SPON1: variants seen among roughly 807,000 people sequenced by gnomAD.
SPON1 encodes the protein spondin-1.
Under a neutral mutation model 111.7 loss-of-function variants are expected in SPON1, and 52 were observed. The ratio of observed to expected loss-of-function variants is 0.47; its 90% CI spans 0.37 to 0.59. The LOEUF is 0.59. SPON1 is among the 20% of genes least tolerant of loss of function. The pLI is 0.00. For missense variants in SPON1, 957 were observed against 1,068.5 expected, an observed-to-expected ratio of 0.90 and a Z score of 1.46; for synonymous variants, 410 against 395.8, an observed-to-expected ratio of 1.04 and a Z score of -0.43.
intron 5 of SPON1, among the ~76,000 whole-genome samples, chr11:14,117,791 C>G (rs1308514453): frequency 6.6e-6 from 1 of 152,188 alleles, no homozygotes; most frequent in African/African-American, 2.4e-5. Context: ...AGAACAAAAG[C>G]TTTCTCAACG....
chr11:14,231,798 C>A (rs1383657425), intron 6 of SPON1, among the ~76,000 whole-genome samples: 3 of 151,584 alleles, frequency 2.0e-5, no homozygotes, highest in Admixed American at 6.6e-5. Flanking sequence ...GACTATACAG[C>A]AATGTCTAAA....
intron 6 of SPON1, among the ~76,000 whole-genome samples, chr11:14,190,035 C>A (rs1428210041): frequency 6.6e-6 from 1 of 152,206 alleles, no homozygotes; most frequent in Non-Finnish European, 1.5e-5. Context: ...ATGCATTGTG[C>A]AATTTCTTAG....
In SPON1 at chr11:14,259,339, G is replaced by T; in HGVS notation, c.1552G>T (p.Gly518Cys). Residue 518 changes from glycine to cysteine, a missense_variant, in exon 12 of 16, where the codon GGC becomes TGC. Gly to Cys is a radical substitution (Grantham distance 159). Around this residue, in one of 5 missense-constraint regions of SPON1, gnomAD observed 549 missense variants for 606.2 expected, o/e 0.91. Coordinates refer to ENST00000576479, the MANE Select transcript of SPON1 (RefSeq NM_006108.4). This position sits in a 1 kb window ranked among gnomAD's most constrained non-coding sequence, Gnocchi z 5.0. ...ITWSPCSISC[G>C]MGMRSRERYV... ...CTGGTCGCCCTGCAGCATCTCCTGC[G>T]GCATGGGCATGAGGTCCCGGGAGAG... The T allele has an allele frequency of 1.2e-6, 2 of 1,613,066 alleles. No homozygotes were observed. The highest frequency in any genetic ancestry group is 1.7e-6 in the Non-Finnish European group (2 of 1,179,648).
chr11:14,248,341 A>C (rs782363943), intron 7 of SPON1, among the ~76,000 whole-genome samples: 4 of 152,178 alleles, frequency 2.6e-5, no homozygotes, highest in Non-Finnish European at 5.9e-5. Flanking sequence ...CCTGGCTCCA[A>C]GGGGATGAAA....
chr11:14,208,897 T>C (rs1848543888), intron 6 of SPON1, among the ~76,000 whole-genome samples: 1 of 152,200 alleles, frequency 6.6e-6, no homozygotes, highest in African/African-American at 2.4e-5. Flanking sequence ...TATAGTACTG[T>C]AGTACTAGTC....
intron 5 of SPON1, among the ~76,000 whole-genome samples, chr11:14,107,760 A>G (rs1849196683): frequency 6.6e-6 from 1 of 152,188 alleles, no homozygotes; most frequent in Non-Finnish European, 1.5e-5. Flanking sequence ...GCCTTTCTAA[A>G]GTGAGAGAAA....
intron 6 of SPON1, among the ~76,000 whole-genome samples, chr11:14,145,869 G>A (rs1847711503): frequency 6.6e-6 from 1 of 152,150 alleles, no homozygotes; most frequent in Admixed American, 6.5e-5. Context: ...AGATTTGTGT[G>A]TACTGATACA....
Position 14,126,252 on chromosome 11 carries a change from C to T in SPON1, c.677-9168C>T, listed in dbSNP as rs148108432. 3.2e-4 allele frequency among the ~76,000 whole-genome samples: 48 copies of T among 152,246 alleles called. 1 individual carries two copies. Among genetic ancestry groups the T allele is most frequent in the African/African-American group, 1.1e-3 (45 of 41,540 alleles). On this transcript the variant is annotated intron_variant, in intron 5 of 15. Transcript: ENST00000576479. ...AGTCAGGTTGACATATAAAATTAAC[C>T]ATCACTCTGCCATGTGCAGAACACC...
Position 14,020,785 on chromosome 11 carries a change from G to A in SPON1, c.346-20736G>A, listed in dbSNP as rs533506482. ...GAAGTTCTGGAGTCCCACAGCCAGG[G>A]TTTAAATTCTGGTTCTGCCATTTAC... On this transcript the variant is annotated intron_variant, in intron 2 of 15. Transcript: ENST00000576479. Among the ~76,000 whole-genome samples, 68 of 152,198 alleles carry A rather than the reference G, an allele frequency of 4.5e-4. 1 individual carries two copies. Among genetic ancestry groups the A allele is most frequent in the Admixed American group, 2.0e-3 (31 of 15,274 alleles).
In SPON1 at chr11:14,160,498, CATATATATATTT is replaced by C. The variant is rs1564918979; in HGVS notation, c.825+24944_825+24955del. On this transcript the variant is annotated intron_variant, in intron 6 of 15. Coordinates refer to ENST00000576479, the MANE Select transcript of SPON1 (RefSeq NM_006108.4). ...ATATATATTTATATATATATATTTA[CATATATATATTT>C]ATATATATATTTACATATATATATT... 1.5e-3 allele frequency among the ~76,000 whole-genome samples: 9 copies of C among 5,850 alleles called. 2 individuals are homozygous for C. The highest frequency in any genetic ancestry group is 0.013 in the South Asian group (2 of 150). The allele number at this position is 5,850 out of a possible 152,430, so 3.8% of individuals were successfully genotyped here.
chr11:14,072,897 TC>T (rs1848888264), intron 3 of SPON1, among the ~76,000 whole-genome samples: 1 of 152,144 alleles, frequency 6.6e-6, no homozygotes, highest in African/African-American at 2.4e-5. Context: ...AAATGCCATC[TC>T]CCTGCAGGCT....
intron 3 of SPON1, among the ~76,000 whole-genome samples, chr11:14,045,105 T>G (rs1848658512): frequency 6.6e-6 from 1 of 152,154 alleles, no homozygotes; most frequent in Non-Finnish European, 1.5e-5. Context: ...GCTGCCAGAT[T>G]TTTCTCCAGA....
chr11:14,207,717 T>G (rs534959123), intron 6 of SPON1, among the ~76,000 whole-genome samples: 2 of 152,222 alleles, frequency 1.3e-5, no homozygotes, highest in African/African-American at 4.8e-5. Context: ...ACATAACACA[T>G]GCTGGCAAGG....
rs1035467040 is a variant in SPON1 at position 14,174,404 on chromosome 11, C to T, written c.825+38836C>T. ...CCATCCCTTAAAGTGTATTTCCTAC[C>T]TAGTTATAATGTGAAGTAATTTGAT... On this transcript the variant is annotated intron_variant, in intron 6 of 15. Coordinates refer to ENST00000576479, the MANE Select transcript of SPON1 (RefSeq NM_006108.4). 3.3e-5 allele frequency among the ~76,000 whole-genome samples: 5 copies of T among 152,288 alleles called. No homozygotes were observed. The East Asian group carries it at 9.7e-4, about 29-fold the overall frequency.
intron 6 of SPON1, among the ~76,000 whole-genome samples, chr11:14,241,977 C>T (rs925370982): frequency 1.1e-4 from 17 of 151,962 alleles, no homozygotes; most frequent in African/African-American, 3.1e-4. Context: ...GGTGGCTCAC[C>T]GCCGCTGCCC....
intron 6 of SPON1, among the ~76,000 whole-genome samples, chr11:14,189,509 G>A (rs782230421): frequency 6.6e-6 from 1 of 152,164 alleles, no homozygotes; most frequent in Non-Finnish European, 1.5e-5. Flanking sequence ...TGCAGACACA[G>A]AGGTTCTCTC....
rs193278455 is a variant in SPON1 at position 14,267,672 on chromosome 11, T to A, written c.*1985T>A. 1 of 152,366 alleles carries A rather than the reference T, an allele frequency of 6.6e-6. No individual in the cohort carries two copies. Among genetic ancestry groups the A allele is most frequent in the Non-Finnish European group, 1.5e-5 (1 of 68,028 alleles). The allele number at this position is 152,366 out of a possible 1,614,324, so 9.4% of individuals were successfully genotyped here. On this transcript the variant is annotated 3_prime_UTR_variant, in exon 16 of 16. Transcript: ENST00000576479. Reference sequence around the variant, plus strand: ...CTAAGAATGGGTAACATGACTCTTGTTGGATTGTTATTTTTTGTTTGCAAT... The same window carrying A: ...CTAAGAATGGGTAACATGACTCTTGATGGATTGTTATTTTTTGTTTGCAAT...
intron 3 of SPON1, among the ~76,000 whole-genome samples, chr11:14,050,371 T>A (rs1198662800): frequency 6.6e-6 from 1 of 152,206 alleles, no homozygotes; most frequent in African/African-American, 2.4e-5. Flanking sequence ...TTTTTGTAAA[T>A]AAAGTTTTAT....
At chr11:13,972,085 T>C (rs1357835637) in intron 1 of SPON1, among the ~76,000 whole-genome samples, 2 of 152,248 alleles carry the variant, frequency 1.3e-5, no homozygotes, top group Non-Finnish European at 2.9e-5. Flanking sequence ...CTGACTAAAA[T>C]GCCCCATTTC....
Sources: gnomAD v4.1 joint callset for allele counts (sites outside exome capture counted in the v4.1 genomes callset) on GRCh38, gnomAD v4.1.1 for gene constraint, gnomAD v4.1.1 regional missense constraint, Gnocchi (gnomAD v3.1) non-coding constraint, MANE v1.5 for transcripts, NCBI Gene and HGNC (gene_info 2026-07-23, HGNC 2026-07-21) for gene names.